ATP8B4: variants seen among roughly 807,000 people sequenced by gnomAD.
ATP8B4 encodes the protein probable phospholipid-transporting ATPase IM.
In ATP8B4, 133 loss-of-function variants were observed where a neutral mutation model predicts 145.6. The ratio of observed to expected loss-of-function variants is 0.91; its 90% CI spans 0.79 to 1.05. The LOEUF is 1.05. Ranked by LOEUF, ATP8B4 falls within the 50% of genes least tolerant of loss-of-function variation. ATP8B4 has a pLI of 0.00. For synonymous variants in ATP8B4, 507 were observed against 492.9 expected (o/e 1.03, Z -0.38); for missense variants, 1,458 against 1,425.2 (o/e 1.02, Z -0.37).
intron 1 of ATP8B4, among the ~76,000 whole-genome samples, chr15:50,124,601 T>C (rs982235039): frequency 3.7e-5 from 5 of 135,694 alleles, no homozygotes; most frequent in Non-Finnish European, 8.6e-5. Context: ...GCTGGTAAGA[T>C]TTTTAAAAAG....
intron 7 of ATP8B4, chr15:50,009,244 A>G (rs1370514794): frequency 6.5e-6 from 1 of 152,930 alleles, no homozygotes; most frequent in African/African-American, 2.4e-5. Context: ...AGAACATCTG[A>G]ATTTTTGTAA....
intron 10 of ATP8B4, among the ~76,000 whole-genome samples, chr15:49,985,096 T>A (rs1469828202): frequency 1.5e-5 from 2 of 131,096 alleles, no homozygotes; most frequent in Non-Finnish European, 3.2e-5. Context: ...ATAATTCATT[T>A]TGGATTTTTT....
intron 1 of ATP8B4, among the ~76,000 whole-genome samples, chr15:50,153,106 A>G (rs11636227): frequency 0.23 from 34,542 of 152,174 alleles, 4,474 homozygotes; most frequent in Non-Finnish European, 0.3. Context: ...GCTCTTGGAA[A>G]AAGTAAGAGC....
At chr15:50,060,813 T>C (rs2052958705) in intron 3 of ATP8B4, among the ~76,000 whole-genome samples, 1 of 152,178 alleles carries the variant, frequency 6.6e-6, no homozygotes, top group Non-Finnish European at 1.5e-5. Flanking sequence ...TCTGCATTTC[T>C]AACAAGCTCC....
chr15:50,097,926 T>G (rs2056090663), intron 2 of ATP8B4, among the ~76,000 whole-genome samples: 1 of 152,184 alleles, frequency 6.6e-6, no homozygotes, highest in African/African-American at 2.4e-5. Flanking sequence ...ACAGTAACCT[T>G]CAGAGGTAAA....
At chr15:49,994,069 A>G (rs2047235011) in intron 9 of ATP8B4, among the ~76,000 whole-genome samples, 1 of 152,146 alleles carries the variant, frequency 6.6e-6, no homozygotes. Context: ...ACTTCTCAAG[A>G]CCTGTTACCT....
intron 6 of ATP8B4, among the ~76,000 whole-genome samples, chr15:50,033,518 TTTA>T (rs1288871271): frequency 6.6e-6 from 1 of 152,212 alleles, no homozygotes; most frequent in Admixed American, 6.5e-5. Flanking sequence ...TTTTAAAATA[TTTA>T]TTATGTGAAA....
chr15:50,113,838 C>CAAAAAAAAAAAA (rs67648465), intron 1 of ATP8B4, among the ~76,000 whole-genome samples: 8 of 67,254 alleles, frequency 1.2e-4, no homozygotes, highest in African/African-American at 5.2e-4. Context: ...AACTCCATCT[C>CAAAAAAAAAAAA]AAAAAAAAAA....
intron 18 of ATP8B4, among the ~76,000 whole-genome samples, chr15:49,919,399 C>T (rs2040042274): frequency 1.3e-5 from 2 of 152,090 alleles, no homozygotes; most frequent in Admixed American, 1.3e-4. Flanking sequence ...AAAGATCCTG[C>T]ATGATTTTTC....
At chr15:49,987,266 T>G (rs2046691082) in intron 10 of ATP8B4, 125 bp downstream of exon 10, 4 of 1,198,678 alleles carry the variant, frequency 3.3e-6, no homozygotes, top group Non-Finnish European at 4.5e-6. Flanking sequence ...TTAAGTCAAC[T>G]CCAGAGCACG....
intron 1 of ATP8B4, among the ~76,000 whole-genome samples, chr15:50,135,682 T>A (rs2044112437): frequency 6.6e-6 from 1 of 152,218 alleles, no homozygotes; most frequent in Non-Finnish European, 1.5e-5. Context: ...GTCTACTTTC[T>A]GGACATATTT....
At chr15:50,085,101 G>A (rs931761421) in intron 2 of ATP8B4, among the ~76,000 whole-genome samples, 2 of 152,082 alleles carry the variant, frequency 1.3e-5, no homozygotes, top group Non-Finnish European at 2.9e-5. Flanking sequence ...TTGTTACCAA[G>A]GCCTTCAGGG....
At chr15:49,933,629 C>G (rs1336216208) in intron 15 of ATP8B4, among the ~76,000 whole-genome samples, 1 of 152,042 alleles carries the variant, frequency 6.6e-6, no homozygotes, top group Admixed American at 6.6e-5. Flanking sequence ...GATATGCATA[C>G]TAATAATGAG....
intron 20 of ATP8B4, chr15:49,901,889 AAT>A (rs1321551818): frequency 5.1e-6 from 2 of 388,820 alleles, no homozygotes; most frequent in African/African-American, 4.3e-5. Flanking sequence ...TAGACACCAA[AAT>A]ATAGAGGGTT....
chr15:49,899,370 C>G (rs772832764), intron 21 of ATP8B4, among the ~76,000 whole-genome samples: 8 of 152,164 alleles, frequency 5.3e-5, no homozygotes, highest in Admixed American at 1.3e-4. Flanking sequence ...ACCCACTAGA[C>G]AGCAATCCCT....
chr15:49,876,199 A>G (rs1768353049), intron 25 of ATP8B4, 79 bp downstream of exon 25: 6 of 1,528,166 alleles, frequency 3.9e-6, no homozygotes, highest in Non-Finnish European at 5.3e-6. Context: ...CCCCCCAACA[A>G]GTAGACAAAA....
At chr15:50,049,046 A>G (rs1012160503) in intron 3 of ATP8B4, among the ~76,000 whole-genome samples, 18 of 152,216 alleles carry the variant, frequency 1.2e-4, no homozygotes, top group African/African-American at 4.3e-4. Context: ...AAAGTCCAGC[A>G]TGATAAAGCT....
chr15:50,062,401 T>C (rs1600143100), intron 3 of ATP8B4, among the ~76,000 whole-genome samples: 1 of 152,116 alleles, frequency 6.6e-6, no homozygotes. Context: ...TCCTGAAGCC[T>C]CCCCAGAAGC....
chr15:50,140,849 G>T (rs1355463774), intron 1 of ATP8B4, among the ~76,000 whole-genome samples: 1 of 152,202 alleles, frequency 6.6e-6, no homozygotes, highest in Non-Finnish European at 1.5e-5. Context: ...TCTGGGATGA[G>T]ACTGGGGAAT....
Sources: allele counts gnomAD v4.1 joint callset (sites outside exome capture counted in the v4.1 genomes callset), GRCh38; gene constraint gnomAD v4.1.1; transcripts MANE v1.5; gene names NCBI Gene and HGNC (gene_info 2026-07-23, HGNC 2026-07-21).